Variants in MACROD2 observed in about 807,000 individuals in gnomAD.
MACROD2 encodes the protein mono-ADP ribosylhydrolase 2.
MACROD2 carries 36 observed loss-of-function variants against 70.4 expected under a neutral mutation model. The ratio of observed to expected loss-of-function variants is 0.51; its 90% confidence interval spans 0.39 to 0.68. The LOEUF (loss-of-function observed/expected upper bound fraction) is 0.68. Among genes scored for constraint, MACROD2 ranks in the 30% least tolerant of loss-of-function variants. The probability of loss-of-function intolerance (pLI) is 0.00; values close to 1 mark genes in which losing one functional copy is unlikely to be tolerated. For missense variants in MACROD2, 496 were observed against 538.4 expected, an observed-to-expected ratio of 0.92 and a Z score of 0.78; for synonymous variants, 172 against 178.8, an observed-to-expected ratio of 0.96 and a Z score of 0.30.
At chr20:15,397,355 G>T (rs940370534) in intron 6 of MACROD2, among the ~76,000 whole-genome samples, 2 of 152,016 alleles carry the variant, frequency 1.3e-5, no homozygotes, top group African/African-American at 4.8e-5. Context: ...GAGTGCAGTG[G>T]CATGATCACA....
chr20:14,757,557 A>G (rs2071957555), intron 5 of MACROD2: 6 of 914,036 alleles, frequency 6.6e-6, no homozygotes, highest in Non-Finnish European at 1.0e-5. Context: ...CCCTACAGCC[A>G]TCAAGATGTT....
chr20:15,763,917 AT>A (rs1332320843), intron 8 of MACROD2, among the ~76,000 whole-genome samples: 5 of 152,230 alleles, frequency 3.3e-5, no homozygotes, highest in Non-Finnish European at 7.3e-5. Context: ...ACATACCCTA[AT>A]TTTCTAATAT....
intron 5 of MACROD2, among the ~76,000 whole-genome samples, chr20:14,938,313 A>G (rs1600849984): frequency 6.6e-6 from 1 of 152,216 alleles, no homozygotes; most frequent in Non-Finnish European, 1.5e-5. Context: ...TCTGCCAACA[A>G]TGTATAAGGG....
At chr20:14,065,492 A>G (rs1472533466) in intron 2 of MACROD2, among the ~76,000 whole-genome samples, 1 of 152,140 alleles carries the variant, frequency 6.6e-6, no homozygotes, top group African/African-American at 2.4e-5. Flanking sequence ...TGTATAGGGT[A>G]TTGTGCTGGC....
chr20:15,491,810 A>G (rs970532002), intron 7 of MACROD2, among the ~76,000 whole-genome samples: 1 of 152,220 alleles, frequency 6.6e-6, no homozygotes, highest in Non-Finnish European at 1.5e-5. Flanking sequence ...GCCCTCAGGT[A>G]AAAGGTTTAA....
chr20:15,800,645 G>A (rs1001994777), intron 8 of MACROD2, among the ~76,000 whole-genome samples: 1 of 152,122 alleles, frequency 6.6e-6, no homozygotes, highest in Non-Finnish European at 1.5e-5. Flanking sequence ...CTACTGGGAA[G>A]CGAGGAGCCC....
chr20:14,088,705 A>G (rs775276715), intron 3 of MACROD2, among the ~76,000 whole-genome samples: 2 of 152,194 alleles, frequency 1.3e-5, no homozygotes, highest in South Asian at 2.1e-4. Context: ...CTGTCTTCCC[A>G]TGGAAGCCAC....
At chr20:15,530,583 T>A (rs1051582005) in intron 8 of MACROD2, among the ~76,000 whole-genome samples, 4 of 151,822 alleles carry the variant, frequency 2.6e-5, no homozygotes, top group African/African-American at 9.7e-5. Flanking sequence ...ATACAAAAAA[T>A]TAGCCGGGCG....
chr20:15,906,350 A>T (rs1370299107), intron 10 of MACROD2, among the ~76,000 whole-genome samples: 1 of 152,236 alleles, frequency 6.6e-6, no homozygotes, highest in Non-Finnish European at 1.5e-5. Context: ...AAACAATCTC[A>T]AACTTACAGC....
At chr20:14,795,608 A>G (rs2072500834) in intron 5 of MACROD2, among the ~76,000 whole-genome samples, 2 of 152,174 alleles carry the variant, frequency 1.3e-5, no homozygotes, top group South Asian at 4.1e-4. Context: ...GAAATATTCA[A>G]GTGCAAATAT....
At chr20:15,068,437 C>T (rs2123100833) in intron 5 of MACROD2, among the ~76,000 whole-genome samples, 1 of 152,270 alleles carries the variant, frequency 6.6e-6, no homozygotes, top group Middle Eastern at 3.4e-3. Context: ...TTCTCCCCTC[C>T]AAGTCTCATA....
chr20:14,201,217 G>A (rs6033900), intron 3 of MACROD2, among the ~76,000 whole-genome samples: 151,341 of 152,310 alleles, frequency 0.99, 75,197 homozygotes, highest in South Asian at 1. Flanking sequence ...GTAGAAAAAT[G>A]TTTCAAGTTA....
intron 8 of MACROD2, among the ~76,000 whole-genome samples, chr20:15,555,853 AAG>A (rs199540651): frequency 0.058 from 7,513 of 130,308 alleles, 941 homozygotes; most frequent in African/African-American, 0.18. Flanking sequence ...AAAAAAAAAA[AAG>A]GAAAAGAAAA....
At chr20:15,733,571 A>T (rs1383118714) in intron 8 of MACROD2, among the ~76,000 whole-genome samples, 1 of 152,168 alleles carries the variant, frequency 6.6e-6, no homozygotes, top group Non-Finnish European at 1.5e-5. Context: ...ATTTTTATTT[A>T]CTTTAAAATA....
intron 3 of MACROD2, among the ~76,000 whole-genome samples, chr20:14,423,516 G>A (rs927330962): frequency 1.3e-5 from 2 of 151,456 alleles, no homozygotes; most frequent in African/African-American, 4.8e-5. Flanking sequence ...TGTCTAACAC[G>A]GTGAAACCCC....
Position 14,847,635 on chromosome 20 carries a change from C to G in MACROD2, c.418+162676C>G, listed in dbSNP as rs549341736. Among the ~76,000 whole-genome samples the G allele has an allele frequency of 2.8e-5, 4 of 142,664 alleles. No individual in the cohort carries two copies. The South Asian group carries it at 8.8e-4, about 31-fold the overall frequency. 93.6% of individuals were successfully genotyped at this position (142,664 alleles called of 152,430 possible). ...TAGCATTTCTTGGTAAGATGACAGTCCCCCCTTTTAAAAAAAAATTGTTCA... is the reference window on the plus strand; with the variant it reads ...TAGCATTTCTTGGTAAGATGACAGTGCCCCCTTTTAAAAAAAAATTGTTCA... On this transcript the variant is annotated intron_variant, in intron 5 of 17. Coordinates refer to ENST00000684519, the MANE Select transcript of MACROD2 (RefSeq NM_001351661.2).
Position 15,740,827 on chromosome 20 carries a change from G to C in MACROD2, c.646-121918G>C, listed in dbSNP as rs1019836132. ...TCATATCCAGTAACCAGTTAATCAG[G>C]GAATCCCGTTAGCTCAACCTTCAAA... On this transcript the variant is annotated intron_variant, in intron 8 of 17. Transcript: ENST00000684519. 2.6e-5 allele frequency among the ~76,000 whole-genome samples: 4 copies of C among 151,894 alleles called. No homozygotes were observed. In the South Asian group the frequency reaches 8.3e-4, roughly 32 times the overall value.
intron 6 of MACROD2, among the ~76,000 whole-genome samples, chr20:15,381,426 C>T (rs1178678515): frequency 6.6e-6 from 1 of 151,742 alleles, no homozygotes; most frequent in Admixed American, 6.6e-5. Context: ...CTAGGCCAGG[C>T]ACAGTGGCTC....
intron 3 of MACROD2, among the ~76,000 whole-genome samples, chr20:14,185,768 C>T (rs1037564318): frequency 6.6e-6 from 1 of 152,096 alleles, no homozygotes; most frequent in Non-Finnish European, 1.5e-5. Context: ...AACTTTCAGT[C>T]ACCTCCTTTG....
Sources: allele counts gnomAD v4.1 joint callset (sites outside exome capture counted in the v4.1 genomes callset), GRCh38; gene constraint gnomAD v4.1.1; transcripts MANE v1.5; gene names NCBI Gene and HGNC (gene_info 2026-07-23, HGNC 2026-07-21).